Variants in JAKMIP2 observed in about 807,000 individuals in gnomAD.
JAKMIP2 encodes the protein janus kinase and microtubule interacting protein 2, also known as janus kinase and microtubule-interacting protein 2.
In JAKMIP2, 25 loss-of-function variants were observed where a neutral mutation model predicts 115.0. The ratio of observed to expected loss-of-function variants is 0.22; its 90% confidence interval spans 0.16 to 0.30. The LOEUF (loss-of-function observed/expected upper bound fraction) is 0.30, where lower values mean the gene tolerates loss of function less well. JAKMIP2 is among the 10% of genes least tolerant of loss of function. JAKMIP2 has a pLI of 1.00. For synonymous variants in JAKMIP2, 334 were observed against 343.6 expected (o/e 0.97, Z 0.31); for missense variants, 642 against 957.6 (o/e 0.67, Z 4.35).
intron 1 of JAKMIP2, among the ~76,000 whole-genome samples, chr5:147,778,317 G>A (rs1755639144): frequency 6.6e-6 from 1 of 151,342 alleles, no homozygotes; most frequent in Non-Finnish European, 1.5e-5. Context: ...TTTGTTTTTT[G>A]TTTTTTTGCC....
intron 1 of JAKMIP2, among the ~76,000 whole-genome samples, chr5:147,679,853 G>A (rs913746755): frequency 2.6e-5 from 4 of 152,002 alleles, no homozygotes; most frequent in Non-Finnish European, 4.4e-5. Flanking sequence ...TCTGGTTGCC[G>A]ACAGGCTACA....
chr5:147,721,926 A>T (rs1421366356), intron 1 of JAKMIP2, among the ~76,000 whole-genome samples: 1 of 152,144 alleles, frequency 6.6e-6, no homozygotes, highest in Non-Finnish European at 1.5e-5. Flanking sequence ...AAATATGGGT[A>T]TCACCTTCCT....
At chr5:147,688,433 A>T (rs1319573564) in intron 1 of JAKMIP2, among the ~76,000 whole-genome samples, 1 of 152,206 alleles carries the variant, frequency 6.6e-6, no homozygotes, top group Non-Finnish European at 1.5e-5. Context: ...ATAATTAAAT[A>T]AAAGGGGATT....
rs1430604934 is a variant in JAKMIP2, at chr5:147,648,257, A to G, written c.936+119T>C. On this transcript the variant is annotated intron_variant, in intron 5 of 21. Transcript: ENST00000616793. ...GTGCCACTTTGTGAATATCTATTGAATGGTATCTTTATTATTTGTACACTT... is the reference window on the plus strand; with the variant it reads ...GTGCCACTTTGTGAATATCTATTGAGTGGTATCTTTATTATTTGTACACTT... 1.2e-5 allele frequency: 7 copies of G among 593,316 alleles called. No individual in the cohort carries two copies. The Admixed American group carries it at 1.8e-4, about 15-fold the overall frequency. The allele number at this position is 593,316 out of a possible 1,614,324, so 36.8% of individuals were successfully genotyped here.
intron 3 of JAKMIP2, among the ~76,000 whole-genome samples, chr5:147,652,539 C>T (rs1380757752): frequency 6.6e-6 from 1 of 151,880 alleles, no homozygotes; most frequent in Non-Finnish European, 1.5e-5. Flanking sequence ...CTTTCAGTTC[C>T]AAAAATGGAG....
chr5:147,781,617 T>C (rs553937936), intron 1 of JAKMIP2, among the ~76,000 whole-genome samples: 194 of 152,284 alleles, frequency 1.3e-3, no homozygotes, highest in African/African-American at 4.5e-3. Flanking sequence ...GATCAAACGA[T>C]AGGCATCTGT....
chr5:147,781,169 A>G (rs1295686741), intron 1 of JAKMIP2, among the ~76,000 whole-genome samples: 2 of 152,174 alleles, frequency 1.3e-5, no homozygotes, highest in Non-Finnish European at 2.9e-5. Context: ...ATTTCATTGT[A>G]TAAGCAGACT....
chr5:147,765,228 G>C (rs1214349893), intron 1 of JAKMIP2, among the ~76,000 whole-genome samples: 1 of 151,928 alleles, frequency 6.6e-6, no homozygotes, highest in African/African-American at 2.4e-5. Flanking sequence ...ATAAGAAAAA[G>C]ATCTGGGAAT....
At chr5:147,749,905 G>A (rs1204481626) in intron 1 of JAKMIP2, among the ~76,000 whole-genome samples, 2 of 152,014 alleles carry the variant, frequency 1.3e-5, no homozygotes, top group East Asian at 1.9e-4. Context: ...GTTTTTGTTT[G>A]TTGGTTTGAC....
chr5:147,707,232 T>C (rs1369284165), intron 1 of JAKMIP2, among the ~76,000 whole-genome samples: 1 of 152,226 alleles, frequency 6.6e-6, no homozygotes, highest in African/African-American at 2.4e-5. Context: ...GCAGTGTTTC[T>C]GAAACCTTAG....
intron 5 of JAKMIP2, among the ~76,000 whole-genome samples, 161 bp from the exon 6 acceptor site, chr5:147,645,157 CTGTT>C (rs1236184097): frequency 6.6e-6 from 1 of 152,186 alleles, no homozygotes; most frequent in East Asian, 1.9e-4. Context: ...ATTTAACAGA[CTGTT>C]TGCTTTCTTT....
intron 1 of JAKMIP2, among the ~76,000 whole-genome samples, chr5:147,676,675 C>G (rs1265753767): frequency 1.3e-5 from 2 of 152,196 alleles, no homozygotes; most frequent in Non-Finnish European, 2.9e-5. Context: ...CTCCTACAGC[C>G]TCTGAGGCTG....
At chr5:147,653,033 G>T (rs1758485365) in intron 3 of JAKMIP2, among the ~76,000 whole-genome samples, 1 of 152,114 alleles carries the variant, frequency 6.6e-6, no homozygotes, top group Non-Finnish European at 1.5e-5. Flanking sequence ...CAAAGGACAT[G>T]AACTCATTCT....
At chr5:147,769,904 T>C (rs1255006432) in intron 1 of JAKMIP2, among the ~76,000 whole-genome samples, 2 of 152,152 alleles carry the variant, frequency 1.3e-5, no homozygotes, top group Non-Finnish European at 2.9e-5. Flanking sequence ...TCAACATCTT[T>C]CCTTAAAAAT....
chr5:147,593,480 C>T lies in JAKMIP2; in HGVS notation c.*21-1794G>A, dbSNP rs140114095. 1.6e-3 allele frequency among the ~76,000 whole-genome samples: 248 copies of T among 151,610 alleles called. 5 individuals carry two copies. The East Asian group carries it at 0.041, about 25-fold the overall frequency. ...TCTTCTTCCTCCCTGCTCTCCAGAA[C>T]GGCTGAGCCTTGAAGAGGAAGAGAA... On this transcript the variant is annotated intron_variant, in intron 21 of 21. Transcript: ENST00000616793.
chr5:147,588,616 A>G lies in JAKMIP2; in HGVS notation c.*3091T>C, dbSNP rs1469638350. The G allele has an allele frequency of 6.6e-6, 1 of 152,148 alleles. No individual in the cohort carries two copies. The highest frequency in any genetic ancestry group is 2.4e-5 in the African/African-American group (1 of 41,436). 9.4% of individuals were successfully genotyped at this position (152,148 alleles called of 1,614,324 possible). A position where few individuals can be genotyped will look rare whatever the true frequency, so the allele number is the denominator to read the frequency against. The stretch of plus-strand genomic sequence containing the variant: ...CAAGGATATATTCATTTTGAGGCTC[A>G]TGAGCAAGAGTTGGTAAAAATTACA... On this transcript the variant is annotated 3_prime_UTR_variant, in exon 22 of 22. Coordinates refer to ENST00000616793, the MANE Select transcript of JAKMIP2 (RefSeq NM_001270941.2).
intron 1 of JAKMIP2, among the ~76,000 whole-genome samples, chr5:147,756,987 C>A (rs1029675810): frequency 1.1e-4 from 16 of 152,108 alleles, no homozygotes; most frequent in African/African-American, 3.9e-4. Context: ...TTTATGCTAT[C>A]TGATTAAAAG....
At chr5:147,611,403 G>A (rs1756312661) in intron 20 of JAKMIP2, among the ~76,000 whole-genome samples, 2 of 152,088 alleles carry the variant, frequency 1.3e-5, no homozygotes, top group Non-Finnish European at 2.9e-5. Flanking sequence ...ATCCCTCATG[G>A]TGCAGTCCCT....
intron 20 of JAKMIP2, among the ~76,000 whole-genome samples, chr5:147,602,593 CT>C (rs1292273637): frequency 6.6e-6 from 1 of 152,122 alleles, no homozygotes; most frequent in Non-Finnish European, 1.5e-5. Flanking sequence ...AAATTTTTCA[CT>C]TGAGAAACAG....
Sources: gnomAD v4.1 joint callset for allele counts (sites outside exome capture counted in the v4.1 genomes callset) on GRCh38, gnomAD v4.1.1 for gene constraint, MANE v1.5 for transcripts, NCBI Gene and HGNC (gene_info 2026-07-23, HGNC 2026-07-21) for gene names.